FHIT: variants seen among roughly 807,000 people sequenced by gnomAD.
FHIT encodes the protein fragile histidine triad diadenosine triphosphatase.
A neutral mutation model predicts 17.9 loss-of-function variants in FHIT; 19 were observed. The observed-to-expected ratio is 1.06, with a 90% CI of 0.74 to 1.56. FHIT has a LOEUF of 1.56. Among genes scored for constraint, FHIT ranks in the 40% most tolerant of loss-of-function variants. The probability of loss-of-function intolerance (pLI) is 0.00; values close to 1 mark genes in which losing one functional copy is unlikely to be tolerated. For synonymous variants in FHIT, 81 were observed against 69.7 expected (o/e 1.16, Z -0.81); for missense variants, 248 against 189.2 (o/e 1.31, Z -1.82).
intron 5 of FHIT, among the ~76,000 whole-genome samples, chr3:60,441,835 C>A (rs1330674571): frequency 8.0e-6 from 1 of 124,632 alleles, no homozygotes; most frequent in Non-Finnish European, 1.7e-5. Flanking sequence ...TTTCCTCCCG[C>A]TCATTCTTTT....
At chr3:60,410,647 C>T (rs1014758735) in intron 5 of FHIT, among the ~76,000 whole-genome samples, 5 of 152,180 alleles carry the variant, frequency 3.3e-5, no homozygotes, top group African/African-American at 1.2e-4. Flanking sequence ...AATGCAGAGT[C>T]AAATTTCCAT....
At chr3:60,105,077 G>C (rs1704350970) in intron 5 of FHIT, among the ~76,000 whole-genome samples, 1 of 152,130 alleles carries the variant, frequency 6.6e-6, no homozygotes, top group African/African-American at 2.4e-5. Context: ...TTGTACTGTA[G>C]AGCATTGCAA....
intron 5 of FHIT, among the ~76,000 whole-genome samples, chr3:60,219,777 G>A (rs997567544): frequency 3.3e-5 from 5 of 152,094 alleles, no homozygotes; most frequent in Non-Finnish European, 7.4e-5. Context: ...AAAAGCTTTA[G>A]GGCTTCTTAG....
chr3:60,114,448 C>A (rs78359024), intron 5 of FHIT, among the ~76,000 whole-genome samples: 2,131 of 144,834 alleles, frequency 0.015, 55 homozygotes, highest in African/African-American at 0.053. Flanking sequence ...CACACTAATA[C>A]ACAGAAATGG....
intron 5 of FHIT, among the ~76,000 whole-genome samples, chr3:60,506,989 GA>G (rs889580317): frequency 1.3e-5 from 2 of 151,934 alleles, no homozygotes; most frequent in African/African-American, 2.4e-5. Flanking sequence ...TTACTATAGT[GA>G]AAAAAAAGCA....
At chr3:60,901,999 T>C (rs1465372249) in intron 3 of FHIT, among the ~76,000 whole-genome samples, 1 of 152,178 alleles carries the variant, frequency 6.6e-6, no homozygotes, top group Non-Finnish European at 1.5e-5. Context: ...TTTTGTTTGC[T>C]TTTTAGCCAG....
chr3:60,693,756 T>A, intron 4 of FHIT, among the ~76,000 whole-genome samples: 1 of 152,212 alleles, frequency 6.6e-6, no homozygotes, highest in East Asian at 1.9e-4. Flanking sequence ...TATAGTTTAG[T>A]GAATAGCATA....
chr3:60,437,979 G>T (rs912549437), intron 5 of FHIT, among the ~76,000 whole-genome samples: 7 of 152,030 alleles, frequency 4.6e-5, no homozygotes, highest in African/African-American at 1.4e-4. Context: ...GATACAGTAT[G>T]ATTGTATAAA....
At chr3:60,717,412 T>A (rs2107954674) in intron 4 of FHIT, among the ~76,000 whole-genome samples, 1 of 152,250 alleles carries the variant, frequency 6.6e-6, no homozygotes, top group African/African-American at 2.4e-5. Context: ...AAACATCACT[T>A]TTTACCCTGT....
chr3:61,026,353 G>A (rs575687395), intron 3 of FHIT, among the ~76,000 whole-genome samples: 7 of 152,188 alleles, frequency 4.6e-5, no homozygotes, highest in East Asian at 1.9e-4. Context: ...AATTCTCTCC[G>A]AGCCTTGGTT....
intron 5 of FHIT, among the ~76,000 whole-genome samples, chr3:60,204,913 G>A (rs958621655): frequency 2.0e-5 from 3 of 151,808 alleles, no homozygotes; most frequent in Non-Finnish European, 4.4e-5. Flanking sequence ...GGTTATTAGT[G>A]AGACCCCATT....
At chr3:60,194,922 T>C (rs1702556029) in intron 5 of FHIT, among the ~76,000 whole-genome samples, 2 of 152,128 alleles carry the variant, frequency 1.3e-5, no homozygotes, top group Admixed American at 1.3e-4. Flanking sequence ...TCCCAGCACC[T>C]TAGGAGGCCG....
At chr3:60,053,904 C>A (rs982659767) in intron 5 of FHIT, among the ~76,000 whole-genome samples, 2 of 152,080 alleles carry the variant, frequency 1.3e-5, no homozygotes, top group South Asian at 2.1e-4. Flanking sequence ...CAGACATATG[C>A]GAATTCTTTC....
intron 3 of FHIT, among the ~76,000 whole-genome samples, chr3:60,972,897 A>C (rs941945481): frequency 1.1e-4 from 17 of 152,090 alleles, no homozygotes; most frequent in African/African-American, 3.6e-4. Context: ...TTTAACTTTC[A>C]TGTTGTACAT....
intron 1 of FHIT, among the ~76,000 whole-genome samples, chr3:61,243,253 T>C (rs997158846): frequency 6.6e-6 from 1 of 152,226 alleles, no homozygotes; most frequent in African/African-American, 2.4e-5. Context: ...ACCACCTCTT[T>C]AGGGTCTTCA....
intron 3 of FHIT, among the ~76,000 whole-genome samples, chr3:60,984,994 G>A (rs1710659427): frequency 6.6e-6 from 1 of 152,084 alleles, no homozygotes; most frequent in Non-Finnish European, 1.5e-5. Flanking sequence ...TACTAAGGGG[G>A]CCTGATATTC....
intron 7 of FHIT, among the ~76,000 whole-genome samples, chr3:60,001,492 A>T (rs1699727393): frequency 6.6e-6 from 1 of 152,122 alleles, no homozygotes; most frequent in Non-Finnish European, 1.5e-5. Context: ...TAGGCAGGAT[A>T]CTCATTTCCT....
chr3:60,278,861 C>G (rs1707296047), intron 5 of FHIT, among the ~76,000 whole-genome samples: 1 of 151,918 alleles, frequency 6.6e-6, no homozygotes, highest in Admixed American at 6.6e-5. Context: ...TAGAGCTTAG[C>G]AAAATTTGTG....
At chr3:60,898,702 C>A (rs995797544) in intron 3 of FHIT, among the ~76,000 whole-genome samples, 1 of 152,108 alleles carries the variant, frequency 6.6e-6, no homozygotes, top group Non-Finnish European at 1.5e-5. Context: ...TTTTTTCACT[C>A]TTCCTGCACA....
Sources: allele counts gnomAD v4.1 joint callset (sites outside exome capture counted in the v4.1 genomes callset), GRCh38; gene constraint gnomAD v4.1.1; transcripts MANE v1.5; gene names NCBI Gene and HGNC (gene_info 2026-07-23, HGNC 2026-07-21).